TRPV5: variants seen among roughly 807,000 people sequenced by gnomAD.
TRPV5 encodes the protein calcium transport protein 2.
TRPV5 carries 66 observed loss-of-function variants against 74.1 expected under a neutral mutation model. The ratio of observed to expected loss-of-function variants is 0.89; its 90% CI spans 0.73 to 1.09. TRPV5 has a LOEUF of 1.09. Among genes scored for constraint, TRPV5 ranks in the 50% least tolerant of loss-of-function variants. The probability of loss-of-function intolerance (pLI) is 0.00; values close to 1 mark genes in which losing one functional copy is unlikely to be tolerated. For missense variants in TRPV5, 936 were observed against 930.4 expected, an observed-to-expected ratio of 1.01 and a Z score of -0.08; for synonymous variants, 399 against 360.7, an observed-to-expected ratio of 1.11 and a Z score of -1.20.
At position 142,908,253 on chromosome 7, in the gene TRPV5, T is replaced by A. The variant is rs1795640324; in HGVS notation, c.*261A>T. On this transcript the variant is annotated 3_prime_UTR_variant, in exon 15 of 15. Transcript: ENST00000265310. The stretch of plus-strand genomic sequence containing the variant: ...ACATTAATCTAGCATCCCTGCCTCA[T>A]GTCTTTAGTTGCCAACCTCCTTTTT... 1 of 558,216 alleles carries A rather than the reference T, an allele frequency of 1.8e-6. No individual in the cohort carries two copies. The highest frequency in any genetic ancestry group is 1.9e-5 in the African/African-American group (1 of 53,248). 34.6% of individuals were successfully genotyped at this position (558,216 alleles called of 1,614,324 possible).
intron 12 of TRPV5, 87 bp from the exon 13 acceptor site, chr7:142,912,837 GATCTATCTATCTATCT>G (rs3840678): frequency 3.4e-5 from 25 of 734,876 alleles, no homozygotes; most frequent in Middle Eastern, 3.9e-4. Context: ...TTCTATCTCT[GATCTATCTATCTATCT>G]ATCTATCTAT....
chr7:142,925,861 T>G, intron 7 of TRPV5, 120 bp from the exon 8 acceptor site: 1 of 831,640 alleles, frequency 1.2e-6, no homozygotes, highest in Non-Finnish European at 2.0e-6. Context: ...AGTCACTTAT[T>G]TGACGGACAA....
chr7:142,931,017 A>ATTTTTTTTTTTTTTTTTTTTTTTT (rs35738386), intron 1 of TRPV5, among the ~76,000 whole-genome samples: 1 of 100,340 alleles, frequency 1.0e-5, no homozygotes, highest in African/African-American at 4.0e-5. Context: ...CCCTCAGGCT[A>ATTTTTTTTTTTTTTTTTTTTTTTT]TTTTTTTTTT....
At chr7:142,917,946 CTT>C (rs1046522635) in intron 8 of TRPV5, among the ~76,000 whole-genome samples, 6 of 152,178 alleles carry the variant, frequency 3.9e-5, no homozygotes. Context: ...TAATATTGGG[CTT>C]TTAAAGCACT....
chr7:142,928,938 C>A (rs953286003), intron 5 of TRPV5, 72 bp from the exon 6 acceptor site: 7 of 1,611,614 alleles, frequency 4.3e-6, no homozygotes, highest in African/African-American at 2.7e-5. Flanking sequence ...ACTCTGGGGT[C>A]TTCCTAAAGG....
chr7:142,919,416 T>G (rs550584161), intron 8 of TRPV5, among the ~76,000 whole-genome samples: 1 of 152,050 alleles, frequency 6.6e-6, no homozygotes, highest in South Asian at 2.1e-4. Flanking sequence ...AGAAGGGTGG[T>G]AAGGAGGACA....
rs1010572879 is a variant in TRPV5, at chr7:142,908,408, T to C, written c.*106A>G. ...GGGATTGTTCTGTCTCACCCTCCCA[T>C]GATTAACAGGCACAGAAGTTAGACA... On this transcript the variant is annotated 3_prime_UTR_variant, in exon 15 of 15. Coordinates refer to ENST00000265310, the MANE Select transcript of TRPV5 (RefSeq NM_019841.7). 3 of 1,299,254 alleles carry C rather than the reference T, an allele frequency of 2.3e-6. No homozygotes were observed. Among genetic ancestry groups the C allele is most frequent in the Non-Finnish European group, 3.2e-6 (3 of 927,998 alleles). The allele number at this position is 1,299,254 out of a possible 1,614,324, so 80.5% of individuals were successfully genotyped here. A position where few individuals can be genotyped will look rare whatever the true frequency, so the allele number is the denominator to read the frequency against.
At chr7:142,928,367 T>C (rs1300025477) in intron 6 of TRPV5, 133 bp from the exon 7 acceptor site, 1 of 997,470 alleles carries the variant, frequency 1.0e-6, no homozygotes, top group East Asian at 2.4e-5. Context: ...CCTCTGCATC[T>C]ACAAGCTTTC....
In TRPV5 at chr7:142,928,827, T is replaced by C. The variant is rs1460505721; in HGVS notation, c.626A>G (p.Lys209Arg). 1 of 1,614,126 alleles carries C rather than the reference T, an allele frequency of 6.2e-7. No individual in the cohort carries two copies. The highest frequency in any genetic ancestry group is 1.7e-5 in the Admixed American group (1 of 60,020). The change falls in exon 6 of 15, where the codon AAA (lysine) becomes AGA (arginine). Residue 209 changes from lysine (K) to arginine (R), a missense_variant. Coordinates refer to ENST00000265310, the MANE Select transcript of TRPV5 (RefSeq NM_019841.7). ...VLHILILQPNKTFACQMYNLL... is the reference protein window; with the variant it reads ...VLHILILQPNRTFACQMYNLL... Reference sequence around the variant, plus strand: ...GTTGTACATCTGGCAGGCAAAGGTTTTGTTGGGCTGGAGGATGAGGATGTG... The same window carrying C: ...GTTGTACATCTGGCAGGCAAAGGTTCTGTTGGGCTGGAGGATGAGGATGTG...
chr7:142,922,823 C>T (rs1358328976), intron 8 of TRPV5, among the ~76,000 whole-genome samples: 1 of 152,162 alleles, frequency 6.6e-6, no homozygotes, highest in Non-Finnish European at 1.5e-5. Context: ...AAGAAGTTAA[C>T]TCAAATTAAT....
At chr7:142,928,561 T>A in intron 6 of TRPV5, 130 bp downstream of exon 6, 1 of 1,322,664 alleles carries the variant, frequency 7.6e-7, no homozygotes, top group Non-Finnish European at 1.0e-6. Flanking sequence ...GGGACCACCA[T>A]CCCTTTGGGG....
intron 13 of TRPV5, 21 bp from the exon 14 acceptor site, chr7:142,909,617 C>T: frequency 1.2e-6 from 2 of 1,611,248 alleles, no homozygotes; most frequent in Non-Finnish European, 8.5e-7. Flanking sequence ...GCAGGAGATA[C>T]AGGAAGAACT....
At chr7:142,915,625 T>G in intron 8 of TRPV5, 57 bp from the exon 9 acceptor site, 2 of 1,570,778 alleles carry the variant, frequency 1.3e-6, no homozygotes, top group South Asian at 1.1e-5. Context: ...AATCCTTTTG[T>G]GCAAATGATC....
At chr7:142,912,325 TC>T (rs1436750571) in intron 13 of TRPV5, among the ~76,000 whole-genome samples, 156 bp downstream of exon 13, 2 of 152,250 alleles carry the variant, frequency 1.3e-5, no homozygotes, top group Non-Finnish European at 2.9e-5. Flanking sequence ...CTTCCATTTA[TC>T]CACATGTACC....
intron 1 of TRPV5, among the ~76,000 whole-genome samples, chr7:142,931,965 G>A (rs1796103745): frequency 6.6e-6 from 1 of 152,186 alleles, no homozygotes. Context: ...GCCTCCCAAA[G>A]TGCTGGGATT....
intron 11 of TRPV5, 83 bp from the exon 12 acceptor site, chr7:142,914,789 C>T: frequency 1.2e-6 from 2 of 1,607,310 alleles, no homozygotes; most frequent in Non-Finnish European, 1.7e-6. Context: ...ATCAAGAGGC[C>T]CCCATAGTTC....
chr7:142,909,180 G>A (rs566407727), intron 14 of TRPV5, among the ~76,000 whole-genome samples: 10 of 152,162 alleles, frequency 6.6e-5, no homozygotes, highest in South Asian at 6.2e-4. Flanking sequence ...GAGTCACGCC[G>A]GGAGATGAGG....
rs760393955 is a variant in TRPV5, at chr7:142,925,670, C to G, written c.981G>C (p.Pro327=). 1.9e-6 allele frequency: 3 copies of G among 1,614,168 alleles called. No individual in the cohort carries two copies. The highest frequency in any genetic ancestry group is 2.2e-5 in the East Asian group (1 of 44,884). ...ACAAGGCAGCCAGGATGCAGAAGTACGGCCGGCCATACTTGTTCCACTTGA... is the reference window on the plus strand; with the variant it reads ...ACAAGGCAGCCAGGATGCAGAAGTAGGGCCGGCCATACTTGTTCCACTTGA... ...VSFKWNKYGR[P]YFCILAALYL... is the part of the protein sequence containing the mutation. The change falls in exon 8 of 15, where the codon CCG becomes CCC. Residue 327 remains proline (P), a synonymous_variant. Transcript: ENST00000265310.
intron 8 of TRPV5, chr7:142,924,930 C>T (rs897089258): frequency 3.2e-5 from 5 of 157,362 alleles, no homozygotes; most frequent in South Asian, 3.8e-4. Context: ...CTTCCTAACC[C>T]TAGTTTTCCC....
Sources: gnomAD v4.1 joint callset for allele counts (sites outside exome capture counted in the v4.1 genomes callset) on GRCh38, gnomAD v4.1.1 for gene constraint, MANE v1.5 for transcripts, NCBI Gene and HGNC (gene_info 2026-07-23, HGNC 2026-07-21) for gene names.